The following CPQ variants were observed in gnomAD, a reference collection of about 807,000 sequenced individuals.
The protein encoded by CPQ is Ser-Met dipeptidase.
CPQ carries 37 observed loss-of-function variants against 45.7 expected under a neutral mutation model. The observed-to-expected ratio is 0.81, with a 90% CI of 0.62 to 1.07. The LOEUF (loss-of-function observed/expected upper bound fraction) is 1.07, where lower values mean the gene tolerates loss of function less well. Among genes scored for constraint, CPQ ranks in the 50% least tolerant of loss-of-function variants. CPQ has a pLI of 0.00. For synonymous variants in CPQ, 186 were observed against 205.8 expected (o/e 0.90, Z 0.82); for missense variants, 537 against 572.9 (o/e 0.94, Z 0.64).
At chr8:96,920,389 C>T (rs563243694) in intron 4 of CPQ, among the ~76,000 whole-genome samples, 2 of 152,206 alleles carry the variant, frequency 1.3e-5, no homozygotes, top group South Asian at 2.1e-4. Context: ...AGGCCATTGG[C>T]GGAAATAAAT....
intron 4 of CPQ, among the ~76,000 whole-genome samples, chr8:96,934,794 C>T (rs1321839398): frequency 6.6e-6 from 1 of 152,090 alleles, no homozygotes; most frequent in Non-Finnish European, 1.5e-5. Context: ...TTAGAGGGAG[C>T]TCGGAGTTCA....
chr8:96,670,890 G>T (rs1013120856), intron 1 of CPQ, among the ~76,000 whole-genome samples: 2 of 152,032 alleles, frequency 1.3e-5, no homozygotes, highest in African/African-American at 4.8e-5. Context: ...GGTGGGAGTA[G>T]AGGGATGCGT....
At chr8:96,959,429 T>C (rs1404461209) in intron 4 of CPQ, among the ~76,000 whole-genome samples, 1 of 152,196 alleles carries the variant, frequency 6.6e-6, no homozygotes, top group Non-Finnish European at 1.5e-5. Context: ...ATGTAGTCTA[T>C]TTTAGAAAAT....
intron 7 of CPQ, among the ~76,000 whole-genome samples, chr8:97,107,430 G>A (rs1811421938): frequency 1.3e-5 from 2 of 152,356 alleles, no homozygotes; most frequent in South Asian, 4.1e-4. Context: ...GCATGCCCTG[G>A]CCTGCATATC....
At chr8:96,734,437 C>T (rs185221457) in intron 1 of CPQ, among the ~76,000 whole-genome samples, 7 of 152,156 alleles carry the variant, frequency 4.6e-5, no homozygotes, top group Admixed American at 1.3e-4. Context: ...ACAGGCTGGG[C>T]GCGGTGGGTC....
chr8:96,745,038 A>G (rs942102882), intron 1 of CPQ, among the ~76,000 whole-genome samples: 1 of 152,212 alleles, frequency 6.6e-6, no homozygotes, highest in African/African-American at 2.4e-5. Context: ...GGCTGGGTGC[A>G]GTGGCTCACG....
chr8:96,683,912 C>T (rs1308645438), intron 1 of CPQ, among the ~76,000 whole-genome samples: 1 of 151,976 alleles, frequency 6.6e-6, no homozygotes, highest in African/African-American at 2.4e-5. Flanking sequence ...GGATATCTGT[C>T]TCTGGTATTT....
intron 3 of CPQ, among the ~76,000 whole-genome samples, chr8:96,870,704 C>T (rs1028583231): frequency 6.6e-6 from 1 of 151,996 alleles, no homozygotes; most frequent in Non-Finnish European, 1.5e-5. Context: ...GCACACAGCA[C>T]ACTGGCAGGC....
At chr8:97,072,932 T>C (rs935208118) in intron 7 of CPQ, among the ~76,000 whole-genome samples, 21 of 152,188 alleles carry the variant, frequency 1.4e-4, no homozygotes, top group Admixed American at 1.2e-3. Flanking sequence ...AAAATGTCCA[T>C]GACTCAAATG....
At chr8:96,825,264 C>CT (rs1164971900) in intron 2 of CPQ, among the ~76,000 whole-genome samples, 5 of 151,996 alleles carry the variant, frequency 3.3e-5, no homozygotes, top group Admixed American at 6.6e-5. Context: ...GTGGGAACTT[C>CT]TGGAAAAGAT....
chr8:97,095,365 T>C (rs1361987307), intron 7 of CPQ, among the ~76,000 whole-genome samples: 1 of 152,200 alleles, frequency 6.6e-6, no homozygotes, highest in African/African-American at 2.4e-5. Context: ...ATTTTCCTCA[T>C]TCACTCTCCC....
intron 4 of CPQ, among the ~76,000 whole-genome samples, chr8:96,954,276 T>C (rs891546325): frequency 1.3e-5 from 2 of 152,130 alleles, no homozygotes; most frequent in African/African-American, 2.4e-5. Flanking sequence ...TTTAAGGTTT[T>C]CCACAGGTTG....
chr8:96,867,571 T>C (rs774247500), intron 3 of CPQ, among the ~76,000 whole-genome samples: 5 of 151,982 alleles, frequency 3.3e-5, no homozygotes, highest in Admixed American at 1.3e-4. Flanking sequence ...TTGGAAAATG[T>C]AGAAAAGTCA....
At chr8:96,984,729 G>C (rs1813977931) in intron 5 of CPQ, among the ~76,000 whole-genome samples, 1 of 152,172 alleles carries the variant, frequency 6.6e-6, no homozygotes, top group African/African-American at 2.4e-5. Context: ...AAGTTTTTTA[G>C]ATGTGTGATG....
At chr8:96,818,188 C>T (rs1049572864) in intron 2 of CPQ, among the ~76,000 whole-genome samples, 1 of 151,848 alleles carries the variant, frequency 6.6e-6, no homozygotes, top group African/African-American at 2.4e-5. Context: ...GCACCATGTA[C>T]TGCACCCATA....
intron 3 of CPQ, among the ~76,000 whole-genome samples, chr8:96,871,574 T>A (rs1812068500): frequency 1.3e-5 from 2 of 148,500 alleles, no homozygotes; most frequent in Admixed American, 1.4e-4. Context: ...CTGTGGCACA[T>A]GTTTTTAAGA....
In CPQ at chr8:97,104,580, AAC is replaced by A. The variant is rs1811373410; in HGVS notation, c.1255+38376_1255+38377del. 2.0e-5 allele frequency among the ~76,000 whole-genome samples: 3 copies of A among 152,240 alleles called. No individual in the cohort carries two copies. In the South Asian group the frequency reaches 6.2e-4, roughly 32 times the overall value. On this transcript the variant is annotated intron_variant, in intron 7 of 7. Transcript: ENST00000220763. ...TCAAGTAAACATTTATTAGCAAGTA[AAC>A]ACACAGTTACACACACACAATTTAT...
At chr8:97,012,261 A>C (rs1233627779) in intron 5 of CPQ, among the ~76,000 whole-genome samples, 1 of 152,196 alleles carries the variant, frequency 6.6e-6, no homozygotes, top group Non-Finnish European at 1.5e-5. Flanking sequence ...ATTTGTATAT[A>C]TATTTACTAC....
chr8:96,804,640 T>C (rs893016591), intron 2 of CPQ, among the ~76,000 whole-genome samples: 3 of 152,106 alleles, frequency 2.0e-5, no homozygotes, highest in African/African-American at 7.2e-5. Context: ...TAGGCATCAA[T>C]GAAATAATTT....
Sources: allele counts gnomAD v4.1 joint callset (sites outside exome capture counted in the v4.1 genomes callset), GRCh38; gene constraint gnomAD v4.1.1; transcripts MANE v1.5; gene names NCBI Gene and HGNC (gene_info 2026-07-23, HGNC 2026-07-21).